The following EEF1A2 variants were observed in gnomAD, a reference collection of about 807,000 sequenced individuals.
The protein encoded by EEF1A2 is elongation factor 1-alpha 2.
In EEF1A2, 5 loss-of-function variants were observed where a neutral mutation model predicts 39.3. The observed-to-expected ratio is 0.13, with a 90% confidence interval of 0.07 to 0.27. EEF1A2 has a LOEUF of 0.27. Ranked by LOEUF, EEF1A2 falls within the 10% of genes least tolerant of loss-of-function variation. The probability of loss-of-function intolerance (pLI) is 1.00; values close to 1 mark genes in which losing one functional copy is unlikely to be tolerated. For synonymous variants in EEF1A2, 287 were observed against 293.7 expected (o/e 0.98, Z 0.23); for missense variants, 218 against 681.4 (o/e 0.32, Z 7.57).
chr20:63,496,071 C>T (rs2082415167), intron 2 of EEF1A2, 36 bp from the exon 3 acceptor site: 1 of 1,608,326 alleles, frequency 6.2e-7, no homozygotes, highest in Non-Finnish European at 8.5e-7. Flanking sequence ...AGGGCGGGAC[C>T]CGGGACCCAG....
intron 4 of EEF1A2, among the ~76,000 whole-genome samples, 189 bp from the exon 5 acceptor site, chr20:63,493,476 G>A (rs528458415): frequency 6.6e-6 from 1 of 152,190 alleles, no homozygotes; most frequent in South Asian, 2.1e-4. Flanking sequence ...CTCTGGGAAG[G>A]AGATCCCTCT....
In EEF1A2 at chr20:63,488,967, C is replaced by G. The variant is rs1600902095; in HGVS notation, c.1215G>C (p.Val405=). Reference sequence around the variant, plus strand: ...TCTCCACACACATGGGCTTTCCCGGCACCATCTCCACGATGGCCGCGTCTC... The same window carrying G: ...TCTCCACACACATGGGCTTTCCCGGGACCATCTCCACGATGGCCGCGTCTC... ...KSGDAAIVEM[V]PGKPMCVESF... The change falls in exon 7 of 8, where the codon GTG becomes GTC. Residue 405 remains valine (V), a synonymous_variant. Coordinates refer to ENST00000217182, the MANE Select transcript of EEF1A2 (RefSeq NM_001958.5). 1.9e-6 allele frequency: 3 copies of G among 1,612,620 alleles called. No homozygotes were observed. The highest frequency in any genetic ancestry group is 2.5e-6 in the Non-Finnish European group (3 of 1,179,912).
intron 7 of EEF1A2, 67 bp from the exon 8 acceptor site, chr20:63,488,492 G>T: frequency 1.5e-6 from 2 of 1,319,388 alleles, no homozygotes; most frequent in Non-Finnish European, 1.9e-6. Context: ...CCAGGGCTCT[G>T]GCCGGGCGGG....
chr20:63,495,126 C>G (rs1412042402), intron 3 of EEF1A2, 25 bp from the exon 4 acceptor site: 2 of 1,596,350 alleles, frequency 1.3e-6, no homozygotes, highest in Non-Finnish European at 1.7e-6. Flanking sequence ...ACACAGTGAG[C>G]CCTGCCCCGC....
rs757377298 is a variant in EEF1A2 at position 63,497,996 on chromosome 20, C to T, written c.-71-162G>A. The stretch of plus-strand genomic sequence containing the variant: ...GCCCCCACCCACAGCTGGGCCTGGC[C>T]AGGGCAAGCAGAGGCTGTGCACTGC... On this transcript the variant is annotated intron_variant, in intron 1 of 7. Transcript: ENST00000217182. This position sits in a 1 kb window ranked among gnomAD's most constrained non-coding sequence, Gnocchi z 7.3. 12 of 521,658 alleles carry T rather than the reference C, an allele frequency of 2.3e-5. No individual in the cohort carries two copies. Among genetic ancestry groups the T allele is most frequent in the Non-Finnish European group, 4.0e-5 (12 of 298,494 alleles). 32.3% of individuals were successfully genotyped at this position (521,658 alleles called of 1,614,324 possible). A position where few individuals can be genotyped will look rare whatever the true frequency, so the allele number is the denominator to read the frequency against.
Position 63,489,891 on chromosome 20 carries a change from G to A in EEF1A2, c.1029+588C>T, listed in dbSNP as rs1019934509. On this transcript the variant is annotated intron_variant, in intron 6 of 7. Transcript: ENST00000217182. ...TCTCAGACAGTAAGTTAACAAAAGCGTTTTTCTAGGACGAATGTAGGACCT... is the reference window on the plus strand; with the variant it reads ...TCTCAGACAGTAAGTTAACAAAAGCATTTTTCTAGGACGAATGTAGGACCT... 3.3e-5 allele frequency among the ~76,000 whole-genome samples: 5 copies of A among 152,200 alleles called. No individual in the cohort carries two copies. In the South Asian group the frequency reaches 6.2e-4, roughly 19 times the overall value.
intron 6 of EEF1A2, chr20:63,490,090 C>G (rs143644219): frequency 0.024 from 3,578 of 149,706 alleles, 144 homozygotes; most frequent in African/African-American, 0.085. Context: ...TCTTTTGAGA[C>G]GAAGTCTCGC....
intron 6 of EEF1A2, among the ~76,000 whole-genome samples, chr20:63,489,737 C>T (rs185422056): frequency 1.6e-4 from 25 of 152,076 alleles, no homozygotes; most frequent in East Asian, 9.7e-4. Flanking sequence ...GAGCCGAGAT[C>T]GCACCACTGC....
intron 4 of EEF1A2, among the ~76,000 whole-genome samples, chr20:63,493,879 G>A (rs1052515871): frequency 9.2e-5 from 14 of 152,250 alleles, no homozygotes; most frequent in Non-Finnish European, 1.6e-4. Flanking sequence ...GTGTAAGCAC[G>A]AGCCACCTAG....
chr20:63,491,708 G>A (rs2082379713), intron 5 of EEF1A2, among the ~76,000 whole-genome samples: 1 of 151,362 alleles, frequency 6.6e-6, no homozygotes, highest in African/African-American at 2.4e-5. Flanking sequence ...ATGGGGAGGT[G>A]GATGGACAGA....
rs912164665 is a variant in EEF1A2, at chr20:63,493,415, G to T, written c.622-128C>A. 3.6e-6 allele frequency: 4 copies of T among 1,122,624 alleles called. No individual in the cohort carries two copies. In the Admixed American group the frequency reaches 1.3e-4, roughly 37 times the overall value. The allele number at this position is 1,122,624 out of a possible 1,614,324, so 69.5% of individuals were successfully genotyped here. A position where few individuals can be genotyped will look rare whatever the true frequency, so the allele number is the denominator to read the frequency against. ...CTTGCCTCGTGCCCTTTGAGATGAG[G>T]AATTTCCCCACCCTGCTCCTCCCCA... On this transcript the variant is annotated intron_variant, in intron 4 of 7. Coordinates refer to ENST00000217182, the MANE Select transcript of EEF1A2 (RefSeq NM_001958.5).
At position 63,490,744 on chromosome 20, in the gene EEF1A2, G is replaced by C; in HGVS notation, c.773-9C>G. 1 of 1,587,564 alleles carries C rather than the reference G, an allele frequency of 6.3e-7. No homozygotes were observed. Among genetic ancestry groups the C allele is most frequent in the South Asian group, 1.1e-5 (1 of 90,812 alleles). ...GGGCACCGTGCCAATGCCTGCAGAG[G>C]GGAGGGGGTGTGAGGGGAAGGTGGG... On this transcript the variant is annotated splice_polypyrimidine_tract_variant and intron_variant, in intron 5 of 7. Coordinates refer to ENST00000217182, the MANE Select transcript of EEF1A2 (RefSeq NM_001958.5).
chr20:63,489,150 G>T lies in EEF1A2; in HGVS notation c.1032C>A (p.Val344=). 1 of 1,612,142 alleles carries T rather than the reference G, an allele frequency of 6.2e-7. No homozygotes were observed. The highest frequency in any genetic ancestry group is 1.1e-5 in the South Asian group (1 of 91,046). The part of the protein sequence containing the change: ...PQEAAQFTSQ[V]IILNHPGQIS... Reference sequence around the variant, plus strand: ...TCTGCCCCGGGTGGTTCAGGATGATGACCTGCGAGCGGAGCCACAGGCGGC... The same window carrying T: ...TCTGCCCCGGGTGGTTCAGGATGATTACCTGCGAGCGGAGCCACAGGCGGC... Residue 344 remains valine (V), a splice_region_variant and synonymous_variant, in exon 7 of 8, where the codon GTC becomes GTA. Coordinates refer to ENST00000217182, the MANE Select transcript of EEF1A2 (RefSeq NM_001958.5).
chr20:63,488,551 C>T, intron 7 of EEF1A2, 126 bp from the exon 8 acceptor site: 5 of 1,267,136 alleles, frequency 3.9e-6, no homozygotes, highest in Non-Finnish European at 5.1e-6. Flanking sequence ...GCGCAGAGCG[C>T]GCCCCTGTGA....
rs763571708 is a variant in EEF1A2, at chr20:63,493,325, T to C, written c.622-38A>G. 9.1e-5 allele frequency: 134 copies of C among 1,469,296 alleles called. 1 individual carries two copies. The highest frequency in any genetic ancestry group is 6.9e-5 in the Admixed American group (3 of 43,568). 91.0% of individuals were successfully genotyped at this position (1,469,296 alleles called of 1,614,324 possible). On this transcript the variant is annotated intron_variant, in intron 4 of 7. Coordinates refer to ENST00000217182, the MANE Select transcript of EEF1A2 (RefSeq NM_001958.5). The stretch of plus-strand genomic sequence containing the variant: ...GAGAAAATCAATCCGTTAAGAGACA[T>C]TGGTGGCCTCCCCACCCTCAGGCCT...
chr20:63,493,192 C>T lies in EEF1A2; in HGVS notation c.717G>A (p.Thr239=), dbSNP rs1355719317. Residue 239 remains threonine, a synonymous_variant, in exon 5 of 8, where the codon ACG becomes ACA. Coordinates refer to ENST00000217182, the MANE Select transcript of EEF1A2 (RefSeq NM_001958.5). ...GGCGCAGGGGCTTGTCCGTGGGGCGCGTGGGGGGCAGGATGGTGTCCAGGG... is the reference window on the plus strand; with the variant it reads ...GGCGCAGGGGCTTGTCCGTGGGGCGTGTGGGGGGCAGGATGGTGTCCAGGG... ...LEALDTILPP[T]RPTDKPLRLP... is the part of the protein sequence containing the mutation. 8.4e-6 allele frequency: 13 copies of T among 1,548,640 alleles called. No homozygotes were observed. Among genetic ancestry groups the T allele is most frequent in the South Asian group, 2.4e-5 (2 of 83,966 alleles).
intron 6 of EEF1A2, chr20:63,490,081 C>A: frequency 7.6e-6 from 1 of 131,370 alleles, no homozygotes. Context: ...TTTTTTTTTT[C>A]TTTTGAGACG....
chr20:63,489,165 C>A lies in EEF1A2; in HGVS notation c.1030-13G>T, dbSNP rs2750400. ...TCAGGATGATGACCTGCGAGCGGAGCCACAGGCGGCCATCAGGCACATCGG... is the reference window on the plus strand; with the variant it reads ...TCAGGATGATGACCTGCGAGCGGAGACACAGGCGGCCATCAGGCACATCGG... On this transcript the variant is annotated splice_polypyrimidine_tract_variant and intron_variant, in intron 6 of 7. Transcript: ENST00000217182. 1 of 1,608,894 alleles carries A rather than the reference C, an allele frequency of 6.2e-7. No individual in the cohort carries two copies. The highest frequency in any genetic ancestry group is 1.1e-5 in the South Asian group (1 of 90,936).
chr20:63,495,200 GCTGGGGCCTGAGCAGCCCA>G, intron 3 of EEF1A2, 99 bp from the exon 4 acceptor site: 2 of 1,501,446 alleles, frequency 1.3e-6, no homozygotes, highest in Non-Finnish European at 1.8e-6. Flanking sequence ...CAGGCAGCGG[GCTGGGGCCTGAGCAGCCCA>G]CTGGGGCCTT....
Sources: gnomAD v4.1 joint callset for allele counts (sites outside exome capture counted in the v4.1 genomes callset) on GRCh38, gnomAD v4.1.1 for gene constraint, Gnocchi (gnomAD v3.1) non-coding constraint, MANE v1.5 for transcripts, NCBI Gene and HGNC (gene_info 2026-07-23, HGNC 2026-07-21) for gene names.